Variants in GABRB1 observed in about 807,000 individuals in gnomAD.
GABRB1 encodes gamma-aminobutyric acid type A receptor subunit beta1.
A neutral mutation model predicts 51.6 loss-of-function variants in GABRB1; 17 were observed. The observed-to-expected ratio is 0.33, with a 90% confidence interval of 0.23 to 0.49. The LOEUF (loss-of-function observed/expected upper bound fraction) is 0.49. GABRB1 is among the 20% of genes least tolerant of loss of function. GABRB1 has a pLI of 0.99. For missense variants in GABRB1, 410 were observed against 600.6 expected, an observed-to-expected ratio of 0.68 and a Z score of 3.32; for synonymous variants, 247 against 218.9, an observed-to-expected ratio of 1.13 and a Z score of -1.14.
intron 4 of GABRB1, among the ~76,000 whole-genome samples, chr4:47,246,076 C>A (rs1023566073): frequency 4.7e-5 from 7 of 148,528 alleles, no homozygotes; most frequent in African/African-American, 1.7e-4. Flanking sequence ...TCTCATTCTC[C>A]CCCCCCAAGT....
At chr4:47,417,029 G>A (rs1003814058) in intron 8 of GABRB1, among the ~76,000 whole-genome samples, 1 of 152,162 alleles carries the variant, frequency 6.6e-6, no homozygotes, top group Non-Finnish European at 1.5e-5. Flanking sequence ...AACATAGAAT[G>A]GGAGAAATAA....
intron 4 of GABRB1, among the ~76,000 whole-genome samples, chr4:47,241,385 A>G (rs1721515008): frequency 6.6e-6 from 1 of 152,152 alleles, no homozygotes; most frequent in East Asian, 1.9e-4. Flanking sequence ...GTTAGCACTG[A>G]CTAACAAGAG....
intron 3 of GABRB1, among the ~76,000 whole-genome samples, chr4:47,099,435 T>G (rs947436323): frequency 6.6e-6 from 1 of 152,120 alleles, no homozygotes; most frequent in Non-Finnish European, 1.5e-5. Flanking sequence ...AAAGGCAAGG[T>G]ATCACTCTGT....
chr4:47,086,431 CTTTTA>C (rs1440420476), intron 3 of GABRB1, among the ~76,000 whole-genome samples: 2 of 152,068 alleles, frequency 1.3e-5, no homozygotes, highest in Non-Finnish European at 2.9e-5. Flanking sequence ...TTTACATATT[CTTTTA>C]TATTAGACTT....
At chr4:47,269,061 C>A (rs1289422959) in intron 4 of GABRB1, among the ~76,000 whole-genome samples, 1 of 152,106 alleles carries the variant, frequency 6.6e-6, no homozygotes. Flanking sequence ...TTTTGATGGT[C>A]TCCAAAATCA....
chr4:47,337,259 A>T (rs920166605), intron 5 of GABRB1, among the ~76,000 whole-genome samples: 3 of 152,084 alleles, frequency 2.0e-5, no homozygotes, highest in Non-Finnish European at 2.9e-5. Flanking sequence ...CCCCGAAAGA[A>T]GTGACAAAGA....
chr4:47,401,622 T>C (rs751597211), intron 5 of GABRB1, among the ~76,000 whole-genome samples: 1 of 152,190 alleles, frequency 6.6e-6, no homozygotes. Flanking sequence ...ATTCCCCAGA[T>C]ACTACTTCCT....
chr4:47,190,654 C>T (rs927628795), intron 4 of GABRB1, among the ~76,000 whole-genome samples: 1 of 152,014 alleles, frequency 6.6e-6, no homozygotes, highest in African/African-American at 2.4e-5. Flanking sequence ...TGGGCAAGGC[C>T]ACATAGGTAA....
At chr4:47,038,770 A>T (rs1725704462) in intron 3 of GABRB1, among the ~76,000 whole-genome samples, 1 of 152,240 alleles carries the variant, frequency 6.6e-6, no homozygotes, top group African/African-American at 2.4e-5. Flanking sequence ...CAAGGAAAGT[A>T]AAACATTTCA....
chr4:47,089,435 T>C (rs1293928645), intron 3 of GABRB1, among the ~76,000 whole-genome samples: 1 of 152,214 alleles, frequency 6.6e-6, no homozygotes, highest in Non-Finnish European at 1.5e-5. Flanking sequence ...TGAGACTATT[T>C]CCTCATTTGG....
In GABRB1 at chr4:47,251,122, C is replaced by T. The variant is rs76198611; in HGVS notation, c.462-69005C>T. 2.8e-4 allele frequency among the ~76,000 whole-genome samples: 43 copies of T among 152,240 alleles called. 1 individual carries two copies. The East Asian group carries it at 7.7e-3, about 27-fold the overall frequency. ...GGGCTGAAGGCCGTTATTCAGATTCCTTTGTCCCATAGGGTGTTCCCTTGA... is the reference window on the plus strand; with the variant it reads ...GGGCTGAAGGCCGTTATTCAGATTCTTTTGTCCCATAGGGTGTTCCCTTGA... On this transcript the variant is annotated intron_variant, in intron 4 of 8. Coordinates refer to ENST00000295454, the MANE Select transcript of GABRB1 (RefSeq NM_000812.4).
intron 4 of GABRB1, among the ~76,000 whole-genome samples, chr4:47,286,340 G>T (rs1723507917): frequency 6.6e-6 from 1 of 152,088 alleles, no homozygotes; most frequent in Non-Finnish European, 1.5e-5. Context: ...TATCATACAT[G>T]ATTTTTATTT....
chr4:47,171,019 C>G (rs148538710), intron 4 of GABRB1, among the ~76,000 whole-genome samples: 5 of 152,036 alleles, frequency 3.3e-5, no homozygotes, highest in Non-Finnish European at 7.4e-5. Context: ...AATGATATTA[C>G]GATATCTTTT....
chr4:47,195,417 TA>T (rs1427840499), intron 4 of GABRB1, among the ~76,000 whole-genome samples: 4 of 72,164 alleles, frequency 5.5e-5, no homozygotes, highest in African/African-American at 1.8e-4. Flanking sequence ...GATAGATAGA[TA>T]GATAGATAGA....
chr4:47,025,102 A>G (rs555092038), intron 1 of GABRB1, among the ~76,000 whole-genome samples: 2 of 150,530 alleles, frequency 1.3e-5, no homozygotes, highest in Admixed American at 6.7e-5. Context: ...ACATATATAT[A>G]TCATATATAT....
At chr4:47,109,628 GT>G (rs1398154496) in intron 3 of GABRB1, among the ~76,000 whole-genome samples, 1 of 152,008 alleles carries the variant, frequency 6.6e-6, no homozygotes, top group Admixed American at 6.6e-5. Context: ...GGTAAATAAG[GT>G]TTTGGACATT....
chr4:47,051,533 G>C (rs1218262592), intron 3 of GABRB1, among the ~76,000 whole-genome samples: 1 of 152,136 alleles, frequency 6.6e-6, no homozygotes, highest in Non-Finnish European at 1.5e-5. Flanking sequence ...AAACATCATT[G>C]CTTCTCCACT....
chr4:47,306,014 C>T (rs1278705939), intron 4 of GABRB1, among the ~76,000 whole-genome samples: 2 of 152,022 alleles, frequency 1.3e-5, no homozygotes, highest in Admixed American at 6.6e-5. Flanking sequence ...ATTAAATCAT[C>T]ATGCTCATGT....
At chr4:47,122,979 T>C (rs1208419744) in intron 3 of GABRB1, among the ~76,000 whole-genome samples, 2 of 152,112 alleles carry the variant, frequency 1.3e-5, no homozygotes, top group Non-Finnish European at 2.9e-5. Context: ...ATTGAAGCTG[T>C]GAAACAGAAA....
Sources: allele counts gnomAD v4.1 joint callset (sites outside exome capture counted in the v4.1 genomes callset), GRCh38; gene constraint gnomAD v4.1.1; transcripts MANE v1.5; gene names NCBI Gene and HGNC (gene_info 2026-07-23, HGNC 2026-07-21).